Variants in FBN2 observed in about 807,000 individuals in gnomAD.
The protein encoded by FBN2 is fibrillin 2.
FBN2 carries 105 observed loss-of-function variants against 355.6 expected under a neutral mutation model. The ratio of observed to expected loss-of-function variants is 0.30; its 90% CI spans 0.25 to 0.35. The LOEUF (loss-of-function observed/expected upper bound fraction) is 0.35. FBN2 is among the 10% of genes least tolerant of loss of function. The probability of loss-of-function intolerance (pLI) is 1.00; values close to 1 mark genes in which losing one functional copy is unlikely to be tolerated. For missense variants in FBN2, 3,280 were observed against 3,758.7 expected (o/e 0.87, Z 3.33); for synonymous variants, 1,350 against 1,301.2 (o/e 1.04, Z -0.81).
At chr5:128,456,966 G>A (rs1306317240) in intron 6 of FBN2, among the ~76,000 whole-genome samples, 1 of 152,188 alleles carries the variant, frequency 6.6e-6, no homozygotes, top group African/African-American at 2.4e-5. Context: ...TGAATTGACA[G>A]AAGTAGGCTT....
intron 7 of FBN2, among the ~76,000 whole-genome samples, chr5:128,410,826 C>T (rs972976000): frequency 1.3e-5 from 2 of 152,060 alleles, no homozygotes; most frequent in Non-Finnish European, 2.9e-5. Flanking sequence ...TGAGTAGGAA[C>T]CCTAAAAGGT....
At chr5:128,280,050 C>T (rs1230690613) in intron 56 of FBN2, 142 bp downstream of exon 56, 4 of 677,690 alleles carry the variant, frequency 5.9e-6, no homozygotes, top group African/African-American at 5.3e-5. Context: ...AATAGATGTG[C>T]ATCTTTAAGA....
intron 25 of FBN2, among the ~76,000 whole-genome samples, chr5:128,341,060 G>A (rs374604898): frequency 6.6e-6 from 1 of 152,128 alleles, no homozygotes; most frequent in Admixed American, 6.5e-5. Flanking sequence ...AGGACGGACC[G>A]GTAGGATTAC....
chr5:128,405,422 G>A (rs957504800), intron 8 of FBN2, among the ~76,000 whole-genome samples: 4 of 152,090 alleles, frequency 2.6e-5, no homozygotes, highest in African/African-American at 9.7e-5. Flanking sequence ...TGTTCAGGTA[G>A]AGACTTAGGA....
At chr5:128,436,658 G>A (rs1460001202) in intron 7 of FBN2, among the ~76,000 whole-genome samples, 4 of 148,010 alleles carry the variant, frequency 2.7e-5, no homozygotes, top group African/African-American at 7.5e-5. Context: ...AAACCCAGTG[G>A]CTCCACTTAA....
rs758372624 is a variant in FBN2, at chr5:128,310,388, ATATATATATATATATTTTTT to A, written c.5075-300_5075-281del. 0.12 allele frequency among the ~76,000 whole-genome samples: 8,608 copies of A among 74,012 alleles called. 522 individuals are homozygous for A. Among genetic ancestry groups the A allele is most frequent in the Middle Eastern group, 0.14 (24 of 166 alleles). The allele number at this position is 74,012 out of a possible 152,430, so 48.6% of individuals were successfully genotyped here. ...CACATATATATATATATATATATATATATATATATATATATTTTTTTTTTTTTTTTTTTATTGCAATTCGC... is the reference window on the plus strand; with the variant it reads ...CACATATATATATATATATATATATATTTTTTTTTTTTTATTGCAATTCGC... On this transcript the variant is annotated intron_variant, in intron 39 of 64. Transcript: ENST00000262464.
At chr5:128,436,699 A>G (rs1229761693) in intron 7 of FBN2, among the ~76,000 whole-genome samples, 2 of 152,062 alleles carry the variant, frequency 1.3e-5, no homozygotes, top group African/African-American at 2.4e-5. Context: ...AAGTATGGAA[A>G]TATTTGCGGT....
chr5:128,335,510 G>A lies in FBN2; in HGVS notation c.3792C>T (p.Tyr1264=), dbSNP rs1475309588. Residue 1264 remains tyrosine, a synonymous_variant, in exon 29 of 65, where the codon TAC becomes TAT. Coordinates refer to ENST00000262464, the MANE Select transcript of FBN2 (RefSeq NM_001999.4). The part of the protein sequence containing the change: ...DTQCTNSEGS[Y]ECSCSEGYAL... ...CATAACCCTCACTGCAGCTGCATTC[G>A]TAGCTTCCCTCTGAATTTGTGCACT... 1.1e-5 allele frequency: 17 copies of A among 1,613,860 alleles called. No homozygotes were observed. Among genetic ancestry groups the A allele is most frequent in the African/African-American group, 2.7e-5 (2 of 74,908 alleles).
chr5:128,503,591 G>C (rs887521237), intron 5 of FBN2, among the ~76,000 whole-genome samples: 12 of 152,262 alleles, frequency 7.9e-5, no homozygotes, highest in South Asian at 2.1e-4. Flanking sequence ...ACAGATACTG[G>C]CAGCATTTTG....
chr5:128,402,537 C>A (rs73345294), intron 8 of FBN2, among the ~76,000 whole-genome samples: 1 of 151,868 alleles, frequency 6.6e-6, no homozygotes, highest in Admixed American at 6.6e-5. Flanking sequence ...TTTGTGTAAA[C>A]TTGATTTAAG....
chr5:128,346,647 G>A (rs1376280166), intron 23 of FBN2, among the ~76,000 whole-genome samples: 1 of 151,506 alleles, frequency 6.6e-6, no homozygotes, highest in Admixed American at 6.6e-5. Flanking sequence ...TCACTCTGTT[G>A]CCCAGACCAG....
chr5:128,405,724 ATT>A (rs768191899), intron 8 of FBN2, among the ~76,000 whole-genome samples: 9 of 152,176 alleles, frequency 5.9e-5, no homozygotes, highest in Non-Finnish European at 1.3e-4. Context: ...AACTAGTTTC[ATT>A]TCTCTCTATT....
At chr5:128,350,799 G>A in intron 21 of FBN2, 69 bp downstream of exon 21, 1 of 1,560,646 alleles carries the variant, frequency 6.4e-7, no homozygotes, top group Non-Finnish European at 8.8e-7. Flanking sequence ...ACTGCGTAGT[G>A]AAAGAGGTGT....
intron 34 of FBN2, among the ~76,000 whole-genome samples, chr5:128,323,423 ATACATTCCATC>A (rs1750444898): frequency 6.6e-6 from 1 of 152,178 alleles, no homozygotes; most frequent in African/African-American, 2.4e-5. Flanking sequence ...TTATTTTGAG[ATACATTCCATC>A]TATATCAAGT....
intron 5 of FBN2, among the ~76,000 whole-genome samples, chr5:128,497,788 G>A (rs1755696190): frequency 6.6e-6 from 1 of 152,134 alleles, no homozygotes; most frequent in South Asian, 2.1e-4. Context: ...ATGATTAGGA[G>A]AGTTTGTTTC....
At chr5:128,419,238 A>G (rs1204955176) in intron 7 of FBN2, among the ~76,000 whole-genome samples, 1 of 152,208 alleles carries the variant, frequency 6.6e-6, no homozygotes, top group African/African-American at 2.4e-5. Context: ...CTTGTCCACT[A>G]AACACGTGTC....
intron 8 of FBN2, among the ~76,000 whole-genome samples, chr5:128,404,573 T>A (rs944236543): frequency 3.9e-5 from 6 of 152,338 alleles, no homozygotes; most frequent in Admixed American, 3.9e-4. Flanking sequence ...CAACATGAAG[T>A]TCTTACATTC....
At chr5:128,493,362 T>C (rs1333083260) in intron 5 of FBN2, among the ~76,000 whole-genome samples, 1 of 152,134 alleles carries the variant, frequency 6.6e-6, no homozygotes, top group Non-Finnish European at 1.5e-5. Flanking sequence ...ATGGGGAGGC[T>C]GAAGACATTT....
chr5:128,478,841 T>C (rs989809625), intron 5 of FBN2, among the ~76,000 whole-genome samples: 1 of 152,196 alleles, frequency 6.6e-6, no homozygotes, highest in Non-Finnish European at 1.5e-5. Flanking sequence ...AATGTACTCT[T>C]GTGCATTCTT....
Sources: gnomAD v4.1 joint callset for allele counts (sites outside exome capture counted in the v4.1 genomes callset) on GRCh38, gnomAD v4.1.1 for gene constraint, MANE v1.5 for transcripts, NCBI Gene and HGNC (gene_info 2026-07-23, HGNC 2026-07-21) for gene names.